MRTFB: variants seen among roughly 807,000 people sequenced by gnomAD.
The protein encoded by MRTFB is myocardin-related transcription factor B.
Under a neutral mutation model 104.2 loss-of-function variants are expected in MRTFB, and 29 were observed. The ratio of observed to expected loss-of-function variants is 0.28; its 90% confidence interval spans 0.21 to 0.38. The LOEUF is 0.38. Among genes scored for constraint, MRTFB ranks in the 10% least tolerant of loss-of-function variants. MRTFB has a pLI of 1.00. For missense variants in MRTFB, 1,270 were observed against 1,341.6 expected, an observed-to-expected ratio of 0.95 and a Z score of 0.83; for synonymous variants, 535 against 519.5, an observed-to-expected ratio of 1.03 and a Z score of -0.41.
chr16:14,232,254 A>C (rs1381746839), intron 8 of MRTFB, among the ~76,000 whole-genome samples: 1 of 152,202 alleles, frequency 6.6e-6, no homozygotes, highest in Admixed American at 6.5e-5. Flanking sequence ...CCAGTTACAT[A>C]ATAGCCAAGG....
At chr16:14,233,176 A>T (rs1382149270) in intron 8 of MRTFB, among the ~76,000 whole-genome samples, 2 of 152,214 alleles carry the variant, frequency 1.3e-5, no homozygotes, top group African/African-American at 4.8e-5. Flanking sequence ...GCAATTGTTA[A>T]TTTTGGCCTG....
chr16:14,136,544 T>A (rs2037730897), intron 2 of MRTFB, among the ~76,000 whole-genome samples: 2 of 152,178 alleles, frequency 1.3e-5, no homozygotes, highest in South Asian at 4.1e-4. Context: ...TCAGGGATTT[T>A]TTTTTAAACC....
At chr16:14,101,449 A>G (rs1204031374) in intron 2 of MRTFB, among the ~76,000 whole-genome samples, 1 of 152,142 alleles carries the variant, frequency 6.6e-6, no homozygotes, top group East Asian at 1.9e-4. Context: ...GACCAAACCC[A>G]AATTATTAGT....
intron 3 of MRTFB, among the ~76,000 whole-genome samples, chr16:14,198,969 A>G (rs540759075): frequency 5.3e-5 from 8 of 152,112 alleles, no homozygotes; most frequent in South Asian, 2.1e-4. Context: ...CTCTTCATCA[A>G]TTATAAACTT....
intron 3 of MRTFB, among the ~76,000 whole-genome samples, chr16:14,170,628 CAT>C (rs2039393085): frequency 6.6e-6 from 1 of 152,056 alleles, no homozygotes. Flanking sequence ...AATACCATTG[CAT>C]ATAAACCATT....
chr16:14,110,866 CTG>C (rs1201267566), intron 2 of MRTFB, among the ~76,000 whole-genome samples: 1 of 152,162 alleles, frequency 6.6e-6, no homozygotes, highest in Non-Finnish European at 1.5e-5. Context: ...CTTTCCCATC[CTG>C]TCCCGTCCCA....
chr16:14,200,783 A>C (rs2040664327), intron 3 of MRTFB: 1 of 1,467,752 alleles, frequency 6.8e-7, no homozygotes, highest in Admixed American at 1.7e-5. Flanking sequence ...ACTTGCCTTC[A>C]GTGCACGCTT....
At chr16:14,016,884 A>G in the MRTFB span, among the ~76,000 whole-genome samples, 1 of 151,792 alleles carries the variant, frequency 6.6e-6, no homozygotes, top group African/African-American at 2.4e-5. Context: ...GAATTGGCCA[A>G]TTAGATCATC....
the MRTFB span, among the ~76,000 whole-genome samples, chr16:14,063,595 A>G: frequency 6.6e-6 from 1 of 152,160 alleles, no homozygotes; most frequent in Non-Finnish European, 1.5e-5. Context: ...TATAAGTTAG[A>G]ACATGTGATG....
chr16:14,195,268 G>A (rs981492520), intron 3 of MRTFB, among the ~76,000 whole-genome samples: 4 of 152,122 alleles, frequency 2.6e-5, no homozygotes, highest in East Asian at 3.9e-4. Context: ...GCTTTTGTGC[G>A]TGGCAAGGGA....
At chr16:14,208,347 A>G (rs2041040494) in intron 3 of MRTFB, among the ~76,000 whole-genome samples, 1 of 152,208 alleles carries the variant, frequency 6.6e-6, no homozygotes. Flanking sequence ...GATGCCATTC[A>G]CCCAAAAAAC....
At chr16:14,064,239 AT>A in the MRTFB span, among the ~76,000 whole-genome samples, 1 of 152,020 alleles carries the variant, frequency 6.6e-6, no homozygotes, top group Admixed American at 6.6e-5. Flanking sequence ...GAGGTTGAGC[AT>A]TTTTTCGTAT....
intron 2 of MRTFB, among the ~76,000 whole-genome samples, chr16:14,097,929 C>T (rs2035480356): frequency 6.6e-6 from 1 of 152,182 alleles, no homozygotes; most frequent in Admixed American, 6.5e-5. Flanking sequence ...TCTTCTTAGA[C>T]ATAGTTGGTT....
At chr16:14,133,929 C>G (rs2037572713) in intron 2 of MRTFB, among the ~76,000 whole-genome samples, 1 of 152,152 alleles carries the variant, frequency 6.6e-6, no homozygotes, top group Non-Finnish European at 1.5e-5. Context: ...ACTTGGAGAA[C>G]AAATAACATT....
In MRTFB at chr16:14,261,524, T is replaced by C; in HGVS notation, c.*80T>C. On this transcript the variant is annotated 3_prime_UTR_variant, in exon 17 of 17. Transcript: ENST00000571589. ...AAAGGTCAGTTTTTAGAGATAGATCTATAGTTGCATTGTTGCAATCAAAAT... is the reference window on the plus strand; with the variant it reads ...AAAGGTCAGTTTTTAGAGATAGATCCATAGTTGCATTGTTGCAATCAAAAT... 7.4e-7 allele frequency: 1 copy of C among 1,345,368 alleles called. No homozygotes were observed. Among genetic ancestry groups the C allele is most frequent in the East Asian group, 2.3e-5 (1 of 43,032 alleles). 83.3% of individuals were successfully genotyped at this position (1,345,368 alleles called of 1,614,324 possible). A position where few individuals can be genotyped will look rare whatever the true frequency, so the allele number is the denominator to read the frequency against.
At chr16:14,029,445 T>TATATATACAC in the MRTFB span, among the ~76,000 whole-genome samples, 24 of 85,956 alleles carry the variant, frequency 2.8e-4, 1 homozygote, top group African/African-American at 8.9e-4. Flanking sequence ...TATATATATA[T>TATATATACAC]ACACACACAC....
Position 14,247,064 on chromosome 16 carries a change from C to T in MRTFB, c.1804C>T (p.Leu602Phe), listed in dbSNP as rs1169691649. 1 of 1,614,202 alleles carries T rather than the reference C, an allele frequency of 6.2e-7. No individual in the cohort carries two copies. The highest frequency in any genetic ancestry group is 8.5e-7 in the Non-Finnish European group (1 of 1,180,038). Reference sequence around the variant, plus strand: ...GCTCGTGGAAGTGCTGAAAATGCAACTTGAGGTTGAAAAACGAGGGCAGCA... The same window carrying T: ...GCTCGTGGAAGTGCTGAAAATGCAATTTGAGGTTGAAAAACGAGGGCAGCA... ...QKLVEVLKMQ[L>F]EVEKRGQQQR... is the part of the protein sequence containing the mutation. The change falls in exon 12 of 17, where the codon CTT becomes TTT. Residue 602 changes from leucine (L) to phenylalanine (F), a missense_variant. Coordinates refer to ENST00000571589, the MANE Select transcript of MRTFB (RefSeq NM_001308142.2).
chr16:14,249,532 T>G (rs1040572300), intron 13 of MRTFB, among the ~76,000 whole-genome samples: 11 of 152,326 alleles, frequency 7.2e-5, no homozygotes, highest in African/African-American at 2.4e-4. Context: ...CATCTCAGAT[T>G]AAGAGCCCAG....
intron 3 of MRTFB, among the ~76,000 whole-genome samples, chr16:14,184,071 T>TAA (rs1567425329): frequency 2.9e-3 from 20 of 6,918 alleles, no homozygotes; most frequent in African/African-American, 3.6e-3. Context: ...ATCCTGAAAT[T>TAA]TAAAAAAAAA....
Sources: gnomAD v4.1 joint callset for allele counts (sites outside exome capture counted in the v4.1 genomes callset) on GRCh38, gnomAD v4.1.1 for gene constraint, MANE v1.5 for transcripts, NCBI Gene and HGNC (gene_info 2026-07-23, HGNC 2026-07-21) for gene names.